The following TMEM63B variants were observed in gnomAD, a reference collection of about 807,000 sequenced individuals.
TMEM63B encodes the protein transmembrane protein 63B.
A neutral mutation model predicts 102.6 loss-of-function variants in TMEM63B; 23 were observed. That is an observed-to-expected ratio of 0.22 (90% CI 0.16 to 0.32). TMEM63B has a LOEUF of 0.32. Among genes scored for constraint, TMEM63B ranks in the 10% least tolerant of loss-of-function variants. The pLI is 1.00. For missense variants in TMEM63B, 628 were observed against 1,095.9 expected, an observed-to-expected ratio of 0.57 and a Z score of 6.03; for synonymous variants, 444 against 437.0, an observed-to-expected ratio of 1.02 and a Z score of -0.20.
At position 44,140,273 on chromosome 6, in the gene TMEM63B, C is replaced by T. The variant is rs1582789475; in HGVS notation, c.624C>T (p.His208=). 1.9e-6 allele frequency: 3 copies of T among 1,614,018 alleles called. No homozygotes were observed. Among genetic ancestry groups the T allele is most frequent in the East Asian group, 4.5e-5 (2 of 44,876 alleles). ...CCAGGAACAACCTGCTATGGCTGCA[C>T]ACCTCCTTCGCCTTCCTGTATCTGC... The part of the protein sequence containing the change: ...LKSGNNLLWL[H]TSFAFLYLLL... Residue 208 remains histidine (H), a synonymous_variant, in exon 9 of 24, where the codon CAC becomes CAT. Coordinates refer to ENST00000323267, the MANE Select transcript of TMEM63B (RefSeq NM_018426.3).
chr6:44,131,238 C>T (rs1021697373), intron 1 of TMEM63B, among the ~76,000 whole-genome samples: 1 of 151,946 alleles, frequency 6.6e-6, no homozygotes, highest in Non-Finnish European at 1.5e-5. Context: ...CTTTTATGCT[C>T]ACTTGTGGAT....
chr6:44,132,670 A>G (rs1283703332), intron 1 of TMEM63B, among the ~76,000 whole-genome samples: 3 of 151,970 alleles, frequency 2.0e-5, no homozygotes, highest in African/African-American at 7.3e-5. Context: ...TCACACCCCC[A>G]CTTCGAAGCC....
upstream of TMEM63B, chr6:44,126,782 C>G (rs1777119265): frequency 6.6e-6 from 1 of 152,188 alleles, no homozygotes; most frequent in Non-Finnish European, 1.5e-5. Context: ...CTCAGTCTCT[C>G]CCTTCATCTT....
Position 44,148,553 on chromosome 6 carries a change from A to T in TMEM63B, c.1162A>T (p.Thr388Ser). ...DFNVCKCQGC[T>S]CRGEPRPSSC... ...CAACGTGTGTAAATGCCAGGGCTGCACCTGCCGTGGGGAGCCACGCCCCTC... is the reference window on the plus strand; with the variant it reads ...CAACGTGTGTAAATGCCAGGGCTGCTCCTGCCGTGGGGAGCCACGCCCCTC... Residue 388 changes from threonine (T) to serine (S), a missense_variant, in exon 14 of 24, where the codon ACC (threonine) becomes TCC (serine). Thr to Ser is a moderately conservative substitution (Grantham distance 58). Around this residue, in one of 6 missense-constraint regions of TMEM63B, gnomAD observed 336 missense variants for 580.3 expected, o/e 0.58. Transcript: ENST00000323267. This position sits in a 1 kb window ranked among gnomAD's most constrained non-coding sequence, Gnocchi z 5.1. 6.2e-7 allele frequency: 1 copy of T among 1,612,102 alleles called. No homozygotes were observed.
intron 10 of TMEM63B, 144 bp from the exon 11 acceptor site, chr6:44,146,703 G>A (rs936400052): frequency 1.8e-4 from 144 of 786,562 alleles, no homozygotes; most frequent in Non-Finnish European, 2.7e-4. Context: ...CTCCCGCTTC[G>A]GCCCCCCAAA....
chr6:44,146,825 T>C lies in TMEM63B; in HGVS notation c.783-22T>C, dbSNP rs751703204. On this transcript the variant is annotated intron_variant, in intron 10 of 23. Coordinates refer to ENST00000323267, the MANE Select transcript of TMEM63B (RefSeq NM_018426.3). ...AGGTGGGTGGGGTCCCTGCACAAGA[T>C]GATACATGAACTGTGTTTCAGGGAA... 6.8e-6 allele frequency: 11 copies of C among 1,613,274 alleles called. No individual in the cohort carries two copies. The Admixed American group carries it at 1.2e-4, about 17-fold the overall frequency.
At position 44,128,984 on chromosome 6, in the gene TMEM63B, TCC is replaced by T. The variant is rs149570648; in HGVS notation, c.-25+1307_-25+1308del. 5.3e-5 allele frequency among the ~76,000 whole-genome samples: 8 copies of T among 152,342 alleles called. No homozygotes were observed. The East Asian group carries it at 1.5e-3, about 29-fold the overall frequency. On this transcript the variant is annotated intron_variant, in intron 1 of 23. Transcript: ENST00000323267. ...CCCCTTGGACATCATTCAAGTTCTC[TCC>T]AAGTATAGCAGAGTCTTAGAGACCT...
rs769455409 is a variant in TMEM63B at position 44,152,697 on chromosome 6, C to T, written c.1941C>T (p.Phe647=). Residue 647 remains phenylalanine (F), a splice_region_variant and synonymous_variant, in exon 20 of 24, where the codon TTC becomes TTT. Coordinates refer to ENST00000323267, the MANE Select transcript of TMEM63B (RefSeq NM_018426.3). This position sits in a 1 kb window ranked among gnomAD's most constrained non-coding sequence, Gnocchi z 6.4. The stretch of plus-strand genomic sequence containing the variant: ...TCACCTGCCCCATCATCGTGCCCTT[C>T]GGTAGGCACCGCCGCGCCGGGACCT... ...YSITCPIIVP[F]GLMYMLLKHL... is the part of the protein sequence containing the mutation. 28 of 1,605,066 alleles carry T rather than the reference C, an allele frequency of 1.7e-5. No homozygotes were observed. The East Asian group carries it at 3.6e-4, about 20-fold the overall frequency.
chr6:44,142,097 G>A (rs1276120387), intron 10 of TMEM63B, among the ~76,000 whole-genome samples: 2 of 151,118 alleles, frequency 1.3e-5, no homozygotes, highest in African/African-American at 4.9e-5. Context: ...TCCAGCCTGG[G>A]TGACAGAGCA....
Position 44,151,949 on chromosome 6 carries a change from A to G in TMEM63B, c.1777A>G (p.Met593Val), listed in dbSNP as rs751839248. ...MDLLRIPGLL[M>V]YMIRLCLARS... The stretch of plus-strand genomic sequence containing the variant: ...CCTGCTGCGCATCCCAGGCCTGCTC[A>G]TGTACATGATCCGGCTCTGCCTGGC... The change falls in exon 19 of 24, where the codon ATG becomes GTG. Residue 593 changes from methionine (M) to valine (V), a missense_variant. By Grantham distance (21) the Met-to-Val change is conservative (BLOSUM62 1). Transcript: ENST00000323267. 107 of 1,613,232 alleles carry G rather than the reference A, an allele frequency of 6.6e-5. No homozygotes were observed. The highest frequency in any genetic ancestry group is 8.3e-5 in the Non-Finnish European group (98 of 1,179,548).
upstream of TMEM63B, among the ~76,000 whole-genome samples, chr6:44,126,651 T>TC (rs11419717): frequency 0.087 from 13,287 of 152,262 alleles, 838 homozygotes; most frequent in East Asian, 0.25. Context: ...AGTTCATTTA[T>TC]CGTCGGCTGT....
rs1338800440 is a variant in TMEM63B at position 44,154,676 on chromosome 6, T to C, written c.2308-16T>C. 1 of 1,428,658 alleles carries C rather than the reference T, an allele frequency of 7.0e-7. No individual in the cohort carries two copies. Among genetic ancestry groups the C allele is most frequent in the East Asian group, 2.4e-5 (1 of 42,190 alleles). The allele number at this position is 1,428,658 out of a possible 1,614,324, so 88.5% of individuals were successfully genotyped here. A position where few individuals can be genotyped will look rare whatever the true frequency, so the allele number is the denominator to read the frequency against. On this transcript the variant is annotated splice_polypyrimidine_tract_variant and intron_variant, in intron 23 of 23. Transcript: ENST00000323267. ...GGCAGCTGTTCACCTTGCCCCCATT[T>C]CCTCTCCTCCTTCAGAAATACATCG...
In TMEM63B at chr6:44,148,986, A is replaced by G. The variant is rs1282321643; in HGVS notation, c.1413+41A>G. The G allele has an allele frequency of 1.2e-6, 2 of 1,613,652 alleles. No homozygotes were observed. The highest frequency in any genetic ancestry group is 1.7e-6 in the Non-Finnish European group (2 of 1,179,968). Reference sequence around the variant, plus strand: ...CCTGTCACTTTCCACGCTGGGTCACAACACACAGATACCAGGCCCTGATCC... The same window carrying G: ...CCTGTCACTTTCCACGCTGGGTCACGACACACAGATACCAGGCCCTGATCC... On this transcript the variant is annotated intron_variant, in intron 15 of 23. Transcript: ENST00000323267. The surrounding 1 kb of genome is among the most constrained non-coding windows in gnomAD (Gnocchi z 5.1).
intron 10 of TMEM63B, among the ~76,000 whole-genome samples, chr6:44,146,134 A>T (rs1464002573): frequency 6.6e-6 from 1 of 152,192 alleles, no homozygotes; most frequent in African/African-American, 2.4e-5. Flanking sequence ...GGTCAAGGCT[A>T]AGTGTTGGGC....
intron 10 of TMEM63B, among the ~76,000 whole-genome samples, chr6:44,141,894 G>T (rs1386310813): frequency 6.6e-6 from 1 of 152,038 alleles, no homozygotes; most frequent in Admixed American, 6.5e-5. Flanking sequence ...GGCCAAAGTG[G>T]GCAGATCACT....
At position 44,152,265 on chromosome 6, in the gene TMEM63B, T is replaced by A. The variant is rs1171294715; in HGVS notation, c.1836+257T>A. ...ATGATGGGAGTTGGGGAGATCTGGG[T>A]CCCTAGCGCTAGGGTCCCTCTGTCT... On this transcript the variant is annotated intron_variant, in intron 19 of 23. Transcript: ENST00000323267. The surrounding 1 kb of genome is among the most constrained non-coding windows in gnomAD (Gnocchi z 6.4). Among the ~76,000 whole-genome samples the A allele has an allele frequency of 6.6e-6, 1 of 151,814 alleles. No individual in the cohort carries two copies. The highest frequency in any genetic ancestry group is 1.5e-5 in the Non-Finnish European group (1 of 67,916).
intron 1 of TMEM63B, among the ~76,000 whole-genome samples, chr6:44,130,563 C>T (rs1354451728): frequency 2.0e-5 from 3 of 149,820 alleles, no homozygotes; most frequent in South Asian, 2.1e-4. Context: ...CCTCAGCTTC[C>T]GGAGTAGCTG....
chr6:44,134,998 C>T lies in TMEM63B; in HGVS notation c.160-19C>T, dbSNP rs762414360. 16 of 1,614,114 alleles carry T rather than the reference C, an allele frequency of 9.9e-6. No homozygotes were observed. In the East Asian group the frequency reaches 3.6e-4, roughly 36 times the overall value. Reference sequence around the variant, plus strand: ...GACAGACAGCCTCTGCACTTGCCAACTGCCCCCTCTTCCCTCAGGCACTGC... The same window carrying T: ...GACAGACAGCCTCTGCACTTGCCAATTGCCCCCTCTTCCCTCAGGCACTGC... On this transcript the variant is annotated intron_variant, in intron 2 of 23. Coordinates refer to ENST00000323267, the MANE Select transcript of TMEM63B (RefSeq NM_018426.3).
At position 44,151,876 on chromosome 6, in the gene TMEM63B, C is replaced by G; in HGVS notation, c.1704C>G (p.Phe568Leu). The G allele has an allele frequency of 6.2e-7, 1 of 1,612,962 alleles. No homozygotes were observed. The highest frequency in any genetic ancestry group is 8.5e-7 in the Non-Finnish European group (1 of 1,179,548). The change falls in exon 19 of 24, where the codon TTC becomes TTG. Residue 568 changes from phenylalanine to leucine, a missense_variant. Around this residue, in one of 6 missense-constraint regions of TMEM63B, gnomAD observed 61 missense variants for 176.0 expected, o/e 0.35. Transcript: ENST00000323267. ...TGTTCCTGCCCGACAACGGCGCCTT[C>G]TTCGTGAACTACGTCATTGCCTCAG... ...ECVFLPDNGAFFVNYVIASAF... is the reference protein window; with the variant it reads ...ECVFLPDNGALFVNYVIASAF...
Sources: allele counts gnomAD v4.1 joint callset (sites outside exome capture counted in the v4.1 genomes callset), GRCh38; gene constraint gnomAD v4.1.1; regional missense constraint gnomAD v4.1.1; non-coding constraint Gnocchi (gnomAD v3.1); transcripts MANE v1.5; gene names NCBI Gene and HGNC (gene_info 2026-07-23, HGNC 2026-07-21).